Variants in NCAM2 observed in about 807,000 individuals in gnomAD.
The protein encoded by NCAM2 is N-CAM-2.
A neutral mutation model predicts 98.1 loss-of-function variants in NCAM2; 30 were observed. The observed-to-expected ratio is 0.31, with a 90% CI of 0.23 to 0.41. NCAM2 has a LOEUF of 0.41. NCAM2 is among the 10% of genes least tolerant of loss of function. The pLI is 1.00. For synonymous variants in NCAM2, 368 were observed against 342.4 expected, an observed-to-expected ratio of 1.07 and a Z score of -0.83; for missense variants, 867 against 1,005.8, an observed-to-expected ratio of 0.86 and a Z score of 1.87.
chr21:21,400,469 C>T (rs959122347), intron 9 of NCAM2, among the ~76,000 whole-genome samples: 1 of 151,934 alleles, frequency 6.6e-6, no homozygotes, highest in African/African-American at 2.4e-5. Flanking sequence ...TAATTATATA[C>T]TTATTAAGAA....
intron 8 of NCAM2, among the ~76,000 whole-genome samples, chr21:21,339,669 G>A (rs769480330): frequency 1.3e-5 from 2 of 151,688 alleles, no homozygotes; most frequent in Admixed American, 6.6e-5. Flanking sequence ...TATTAACATT[G>A]ATAGTAAAAA....
At chr21:21,484,059 A>C (rs923112348) in intron 15 of NCAM2, among the ~76,000 whole-genome samples, 8 of 152,130 alleles carry the variant, frequency 5.3e-5, no homozygotes, top group African/African-American at 1.9e-4. Context: ...CTGTGAATTC[A>C]CCAATAGCAC....
Position 21,095,918 on chromosome 21 carries a change from T to C in NCAM2, c.55+97300T>C, listed in dbSNP as rs568055456. ...AAGGGTTGGCTGTTGAATATTACTA[T>C]ATGTATCATTTTAAGTGAATTGCGA... is the stretch of plus-strand genomic sequence containing the variant. On this transcript the variant is annotated intron_variant, in intron 1 of 17. Coordinates refer to ENST00000400546, the MANE Select transcript of NCAM2 (RefSeq NM_004540.5). Among the ~76,000 whole-genome samples, 6 of 151,692 alleles carry C rather than the reference T, an allele frequency of 4.0e-5. No homozygotes were observed. In the South Asian group the frequency reaches 1.2e-3, roughly 31 times the overall value.
intron 12 of NCAM2, among the ~76,000 whole-genome samples, chr21:21,443,424 A>AT (rs71769670): frequency 0.11 from 16,641 of 150,810 alleles, 1,019 homozygotes; most frequent in East Asian, 0.22. Context: ...TAAAAGTATA[A>AT]TTTTTTTTTT....
chr21:21,158,007 C>T (rs2084106565), intron 1 of NCAM2, among the ~76,000 whole-genome samples: 2 of 152,114 alleles, frequency 1.3e-5, no homozygotes, highest in South Asian at 4.1e-4. Flanking sequence ...GCCTGAACCT[C>T]ACTTCTGAAA....
intron 1 of NCAM2, among the ~76,000 whole-genome samples, chr21:21,174,853 G>C (rs2068232719): frequency 6.6e-6 from 1 of 152,068 alleles, no homozygotes; most frequent in African/African-American, 2.4e-5. Flanking sequence ...GATATGTTTT[G>C]AGCTGAGGAG....
chr21:21,205,197 T>C (rs190540099), intron 1 of NCAM2, among the ~76,000 whole-genome samples: 1 of 152,200 alleles, frequency 6.6e-6, no homozygotes, highest in East Asian at 1.9e-4. Flanking sequence ...AAATATATTT[T>C]AATACACAAA....
chr21:21,096,349 G>C (rs1444080994), intron 1 of NCAM2, among the ~76,000 whole-genome samples: 1 of 151,266 alleles, frequency 6.6e-6, no homozygotes, highest in African/African-American at 2.4e-5. Flanking sequence ...TTGCACAGTA[G>C]TGGATTGTTA....
chr21:21,376,311 G>A (rs2076031341), intron 9 of NCAM2, among the ~76,000 whole-genome samples: 1 of 151,674 alleles, frequency 6.6e-6, no homozygotes, highest in Admixed American at 6.6e-5. Context: ...TGTTTATGTT[G>A]TAAAACCTCA....
chr21:21,461,068 A>G (rs1219696430), intron 12 of NCAM2, among the ~76,000 whole-genome samples: 4 of 151,896 alleles, frequency 2.6e-5, no homozygotes, highest in Non-Finnish European at 5.9e-5. Context: ...TTTTATGAAT[A>G]TTTTATAAAA....
chr21:21,520,077 CTAA>C (rs1988930804), intron 16 of NCAM2, among the ~76,000 whole-genome samples: 3 of 151,952 alleles, frequency 2.0e-5, no homozygotes, highest in South Asian at 4.1e-4. Context: ...ATCAAAATGA[CTAA>C]TAATACTTTT....
At chr21:21,497,451 C>T (rs1401802795) in intron 15 of NCAM2, among the ~76,000 whole-genome samples, 1 of 152,136 alleles carries the variant, frequency 6.6e-6, no homozygotes, top group African/African-American at 2.4e-5. Flanking sequence ...TCTCAATTAG[C>T]TACTTTTTCT....
At chr21:21,241,179 T>C (rs2071051935) in intron 1 of NCAM2, among the ~76,000 whole-genome samples, 1 of 152,118 alleles carries the variant, frequency 6.6e-6, no homozygotes, top group Admixed American at 6.6e-5. Context: ...CAAAAAGTTT[T>C]TGGACATTTA....
At chr21:21,471,547 T>C (rs1196098155) in intron 14 of NCAM2, among the ~76,000 whole-genome samples, 1 of 152,034 alleles carries the variant, frequency 6.6e-6, no homozygotes, top group African/African-American at 2.4e-5. Context: ...CATAGAGGAA[T>C]CTGGAAAATA....
At chr21:21,505,060 T>C (rs1247632704) in intron 15 of NCAM2, among the ~76,000 whole-genome samples, 1 of 152,080 alleles carries the variant, frequency 6.6e-6, no homozygotes, top group African/African-American at 2.4e-5. Context: ...AGTTCACTTC[T>C]ATCCTCTGCA....
At chr21:21,180,623 G>T (rs947052935) in intron 1 of NCAM2, among the ~76,000 whole-genome samples, 1 of 152,088 alleles carries the variant, frequency 6.6e-6, no homozygotes, top group South Asian at 2.1e-4. Context: ...TTCTATGAAA[G>T]GGATTTAATA....
Position 21,538,076 on chromosome 21 carries a change from G to A in NCAM2, c.*119G>A. On this transcript the variant is annotated 3_prime_UTR_variant, in exon 18 of 18. Coordinates refer to ENST00000400546, the MANE Select transcript of NCAM2 (RefSeq NM_004540.5). ...GGAAACTTCTAGCTTGGAATAGCTTGTACACATATACATATGATCAAATAC... is the reference window on the plus strand; with the variant it reads ...GGAAACTTCTAGCTTGGAATAGCTTATACACATATACATATGATCAAATAC... The A allele has an allele frequency of 2.0e-6, 1 of 504,112 alleles. No individual in the cohort carries two copies. The highest frequency in any genetic ancestry group is 3.5e-6 in the Non-Finnish European group (1 of 283,362). The allele number at this position is 504,112 out of a possible 1,614,324, so 31.2% of individuals were successfully genotyped here. A position where few individuals can be genotyped will look rare whatever the true frequency, so the allele number is the denominator to read the frequency against.
chr21:21,175,816 T>G (rs774693482), intron 1 of NCAM2, among the ~76,000 whole-genome samples: 3 of 152,218 alleles, frequency 2.0e-5, no homozygotes, highest in Non-Finnish European at 2.9e-5. Context: ...TGATTTGTAC[T>G]GTGGTAGGTA....
intron 10 of NCAM2, among the ~76,000 whole-genome samples, chr21:21,417,150 T>C (rs1302001941): frequency 3.9e-5 from 6 of 152,098 alleles, no homozygotes; most frequent in Non-Finnish European, 8.8e-5. Context: ...CTTGGCATTA[T>C]ATTGATTCAA....
Sources: gnomAD v4.1 joint callset for allele counts (sites outside exome capture counted in the v4.1 genomes callset) on GRCh38, gnomAD v4.1.1 for gene constraint, MANE v1.5 for transcripts, NCBI Gene and HGNC (gene_info 2026-07-23, HGNC 2026-07-21) for gene names.